DYTN: variants seen among roughly 807,000 people sequenced by gnomAD.
DYTN encodes the protein dystrotelin.
A neutral mutation model predicts 69.6 loss-of-function variants in DYTN; 75 were observed. The ratio of observed to expected loss-of-function variants is 1.08; its 90% confidence interval spans 0.89 to 1.31. DYTN has a LOEUF of 1.31. Ranked by LOEUF, DYTN falls within the 50% of genes most tolerant of loss-of-function variation. The pLI is 0.00. For missense variants in DYTN, 726 were observed against 688.4 expected, an observed-to-expected ratio of 1.05 and a Z score of -0.61; for synonymous variants, 252 against 249.1, an observed-to-expected ratio of 1.01 and a Z score of -0.11.
intron 8 of DYTN, among the ~76,000 whole-genome samples, chr2:206,694,506 C>T (rs1184530917): frequency 6.6e-6 from 1 of 152,068 alleles, no homozygotes; most frequent in African/African-American, 2.4e-5. Context: ...TTTTCTATTC[C>T]AGAGTATCTG....
At chr2:206,664,595 G>A (rs954630432) in intron 10 of DYTN, among the ~76,000 whole-genome samples, 17 of 152,092 alleles carry the variant, frequency 1.1e-4, no homozygotes, top group African/African-American at 2.7e-4. Context: ...CCAGGAGTTC[G>A]AGGCTGCAGT....
intron 3 of DYTN, among the ~76,000 whole-genome samples, chr2:206,706,147 G>C (rs1172799630): frequency 6.6e-5 from 10 of 152,184 alleles, no homozygotes; most frequent in African/African-American, 2.2e-4. Context: ...CAGGGATGCA[G>C]GGATAAACCC....
intron 9 of DYTN, among the ~76,000 whole-genome samples, chr2:206,674,359 G>A (rs13429846): frequency 0.064 from 9,674 of 152,082 alleles, 1,054 homozygotes; most frequent in African/African-American, 0.22. Flanking sequence ...TGATAAAGTA[G>A]ATAATTCCTT....
chr2:206,665,740 T>G, intron 10 of DYTN, 130 bp downstream of exon 10: 1 of 1,079,506 alleles, frequency 9.3e-7, no homozygotes, highest in South Asian at 1.9e-5. Context: ...AAATGGGAGG[T>G]CAGGGTACGG....
chr2:206,673,982 G>A (rs1249102874), intron 9 of DYTN, among the ~76,000 whole-genome samples: 1 of 152,130 alleles, frequency 6.6e-6, no homozygotes, highest in African/African-American at 2.4e-5. Context: ...TACTATAATT[G>A]AGTACACCAG....
At chr2:206,656,751 T>G (rs1699454053) in intron 11 of DYTN, among the ~76,000 whole-genome samples, 1 of 149,510 alleles carries the variant, frequency 6.7e-6, no homozygotes, top group Non-Finnish European at 1.5e-5. Flanking sequence ...TCCCATACAC[T>G]TTTCTAAATA....
intron 9 of DYTN, among the ~76,000 whole-genome samples, chr2:206,692,663 G>A (rs1453165100): frequency 6.6e-6 from 1 of 152,090 alleles, no homozygotes; most frequent in African/African-American, 2.4e-5. Context: ...AGAGAGTAAG[G>A]CCATTAAAAA....
At chr2:206,652,048 C>T (rs909525609) in intron 11 of DYTN, 127 bp from the exon 12 acceptor site, 1 of 767,250 alleles carries the variant, frequency 1.3e-6, no homozygotes, top group African/African-American at 1.8e-5. Context: ...GGACAATGTC[C>T]TTAAGTTAGC....
intron 1 of DYTN, among the ~76,000 whole-genome samples, chr2:206,712,259 G>A (rs539309310): frequency 1.3e-5 from 2 of 152,212 alleles, no homozygotes; most frequent in Non-Finnish European, 2.9e-5. Flanking sequence ...AGCAGGCCCC[G>A]GGGGTAAATC....
At chr2:206,699,940 T>A in intron 6 of DYTN, 50 bp from the exon 7 acceptor site, 1 of 1,578,144 alleles carries the variant, frequency 6.3e-7, no homozygotes, top group Non-Finnish European at 8.6e-7. Context: ...GACTTGATAT[T>A]TTCATTTTCT....
chr2:206,700,093 C>T lies in DYTN; in HGVS notation c.555+52G>A. ...TAATGTAAATCAGTCAGCAAACTAT[C>T]CCAATACACCGTGTCTGTCCCCAAC... On this transcript the variant is annotated intron_variant, in intron 6 of 11. Transcript: ENST00000452335. The T allele has an allele frequency of 6.8e-6, 11 of 1,608,258 alleles. No individual in the cohort carries two copies. In the Admixed American group the frequency reaches 8.3e-5, roughly 12 times the overall value.
intron 4 of DYTN, among the ~76,000 whole-genome samples, chr2:206,705,341 G>A (rs1267214625): frequency 6.6e-6 from 1 of 151,990 alleles, no homozygotes; most frequent in East Asian, 1.9e-4. Flanking sequence ...CAGGTGATCC[G>A]CCCGCCTCGA....
At chr2:206,675,158 TATATATTTAAATATATATACAC>T (rs1270716289) in intron 9 of DYTN, among the ~76,000 whole-genome samples, 1 of 147,082 alleles carries the variant, frequency 6.8e-6, no homozygotes. Context: ...TATATGTGTA[TATATATTTAAATATATATACAC>T]ATATATTTAA....
At chr2:206,660,985 G>C (rs1559304530) in intron 11 of DYTN, among the ~76,000 whole-genome samples, 1 of 151,970 alleles carries the variant, frequency 6.6e-6, no homozygotes, top group Non-Finnish European at 1.5e-5. Context: ...TTGGAGACAG[G>C]GTCTTTAAAG....
At position 206,666,860 on chromosome 2, in the gene DYTN, TACAC is replaced by T. The variant is rs35200393; in HGVS notation, c.981-835_981-832del. Among the ~76,000 whole-genome samples the T allele has an allele frequency of 4.4e-3, 599 of 137,360 alleles. 5 individuals are homozygous for T. Among genetic ancestry groups the T allele is most frequent in the South Asian group, 9.2e-3 (36 of 3,902 alleles). The allele number at this position is 137,360 out of a possible 152,430, so 90.1% of individuals were successfully genotyped here. On this transcript the variant is annotated intron_variant, in intron 9 of 11. Transcript: ENST00000452335. Reference sequence around the variant, plus strand: ...AGGCAACATGGCAAGACCTCATCTCTACACACACACACACACACACACACACACA... The same window carrying T: ...AGGCAACATGGCAAGACCTCATCTCTACACACACACACACACACACACACA...
At position 206,705,857 on chromosome 2, in the gene DYTN, G is replaced by A. The variant is rs375852360; in HGVS notation, c.313C>T (p.Leu105Phe). ...GCAGCGGCCGCAGGCATAAGCTGGA[G>A]AAAACCTGTTCCTTTGCTGCACAGT... is the stretch of plus-strand genomic sequence containing the variant. ...TMYNSKGTGF[L>F]QLMPAAAALI... is the part of the protein sequence containing the mutation. Residue 105 changes from leucine (L) to phenylalanine (F), a missense_variant, in exon 4 of 12, where the codon CTC (leucine) becomes TTC (phenylalanine). Coordinates refer to ENST00000452335, the MANE Select transcript of DYTN (RefSeq NM_001093730.1). 1.6e-5 allele frequency: 26 copies of A among 1,613,742 alleles called. No homozygotes were observed. The African/African-American group carries it at 2.5e-4, about 16-fold the overall frequency.
At chr2:206,682,076 G>T (rs6719168) in intron 9 of DYTN, among the ~76,000 whole-genome samples, 13,127 of 152,026 alleles carry the variant, frequency 0.086, 1,887 homozygotes, top group African/African-American at 0.3. Context: ...TCTATTTAGG[G>T]TTTCGACTTC....
chr2:206,651,893 C>T lies in DYTN; in HGVS notation c.1662G>A (p.Leu554=). The T allele has an allele frequency of 1.2e-6, 2 of 1,613,458 alleles. No homozygotes were observed. The highest frequency in any genetic ancestry group is 2.2e-5 in the South Asian group (2 of 91,042). The change falls in exon 12 of 12, where the codon CTG becomes CTA. Residue 554 remains leucine (L), a synonymous_variant. Transcript: ENST00000452335. ...TGCACACTCGCTGAGCTCCACTGTA[C>T]AGGTCCATGTTTACTGAAGACTCCG... The part of the protein sequence containing the change: ...SGPESSVNMD[L]YSGAQRVCRA...
At chr2:206,685,059 G>A (rs1231736322) in intron 9 of DYTN, among the ~76,000 whole-genome samples, 2 of 152,200 alleles carry the variant, frequency 1.3e-5, no homozygotes, top group Non-Finnish European at 2.9e-5. Context: ...AGCCTGGGAG[G>A]CCTTCAGCCT....
Sources: gnomAD v4.1 joint callset for allele counts (sites outside exome capture counted in the v4.1 genomes callset) on GRCh38, gnomAD v4.1.1 for gene constraint, MANE v1.5 for transcripts, NCBI Gene and HGNC (gene_info 2026-07-23, HGNC 2026-07-21) for gene names.